Variants in FSTL4 observed in about 807,000 individuals in gnomAD.
FSTL4 encodes follistatin like 4, also known as follistatin-related protein 4.
Under a neutral mutation model 78.2 loss-of-function variants are expected in FSTL4, and 28 were observed. The observed-to-expected ratio is 0.36, with a 90% CI of 0.27 to 0.49. The LOEUF is 0.49. Among genes scored for constraint, FSTL4 ranks in the 20% least tolerant of loss-of-function variants. The pLI is 0.98. For missense variants in FSTL4, 922 were observed against 1,084.9 expected (o/e 0.85, Z 2.11); for synonymous variants, 422 against 440.5 (o/e 0.96, Z 0.53).
At chr5:133,478,673 G>A (rs1287792639) in intron 3 of FSTL4, among the ~76,000 whole-genome samples, 1 of 152,084 alleles carries the variant, frequency 6.6e-6, no homozygotes, top group African/African-American at 2.4e-5. Context: ...CATCAGATCA[G>A]GACAAGATTT....
At chr5:133,372,856 G>C (rs1162390062) in intron 4 of FSTL4, among the ~76,000 whole-genome samples, 1 of 152,204 alleles carries the variant, frequency 6.6e-6, no homozygotes, top group Non-Finnish European at 1.5e-5. Context: ...TGTGCCCAGA[G>C]GGAGGGTGAC....
chr5:133,532,836 TGAGTCTCCCCTTTGGTCAAGGGCCCTG>T (rs1759284244), intron 3 of FSTL4, among the ~76,000 whole-genome samples: 1 of 152,154 alleles, frequency 6.6e-6, no homozygotes, highest in Non-Finnish European at 1.5e-5. Flanking sequence ...GTACCAATCC[TGAGTCTCCCCTTTGGTCAAGGGCCCTG>T]GAGTCTCCCC....
At chr5:133,645,098 T>G in the FSTL4 span, among the ~76,000 whole-genome samples, 1 of 152,148 alleles carries the variant, frequency 6.6e-6, no homozygotes, top group South Asian at 2.1e-4. Flanking sequence ...TATAGAGTAT[T>G]GTAGCTCTCT....
At chr5:133,816,316 GT>G in the FSTL4 span, among the ~76,000 whole-genome samples, 1 of 152,212 alleles carries the variant, frequency 6.6e-6, no homozygotes, top group African/African-American at 2.4e-5. Context: ...AAAAGGCAGG[GT>G]CTGACAGTGT....
the FSTL4 span, among the ~76,000 whole-genome samples, chr5:133,832,845 T>C: frequency 6.6e-6 from 1 of 152,258 alleles, no homozygotes; most frequent in Non-Finnish European, 1.5e-5. Flanking sequence ...TCTGCCGTTG[T>C]GGCACCACCA....
At chr5:133,817,254 G>A in the FSTL4 span, among the ~76,000 whole-genome samples, 2 of 152,236 alleles carry the variant, frequency 1.3e-5, no homozygotes, top group Non-Finnish European at 2.9e-5. Context: ...CTGCAAGTAA[G>A]GAGTGGAGCC....
chr5:133,807,657 C>T, the FSTL4 span, among the ~76,000 whole-genome samples: 2 of 152,164 alleles, frequency 1.3e-5, no homozygotes, highest in Non-Finnish European at 2.9e-5. Context: ...GAGGCAACGC[C>T]CTGGAAACCA....
chr5:133,626,910 G>A, the FSTL4 span, among the ~76,000 whole-genome samples: 3 of 151,950 alleles, frequency 2.0e-5, no homozygotes, highest in Non-Finnish European at 4.4e-5. Flanking sequence ...GTTTGTTGAT[G>A]GTGTTCTTGA....
chr5:133,489,937 C>T (rs1758222778), intron 3 of FSTL4, among the ~76,000 whole-genome samples: 1 of 152,222 alleles, frequency 6.6e-6, no homozygotes, highest in African/African-American at 2.4e-5. Context: ...GTGACATCAT[C>T]TCCTACAACT....
chr5:133,654,106 A>T, the FSTL4 span, among the ~76,000 whole-genome samples: 1 of 152,206 alleles, frequency 6.6e-6, no homozygotes, highest in Non-Finnish European at 1.5e-5. Context: ...GCTTATTTGA[A>T]GCAATTCCTA....
chr5:133,673,214 C>T, the FSTL4 span, among the ~76,000 whole-genome samples: 1 of 152,206 alleles, frequency 6.6e-6, no homozygotes, highest in East Asian at 1.9e-4. Flanking sequence ...CTTGAGTTTT[C>T]CTTAATGATT....
intron 2 of FSTL4, among the ~76,000 whole-genome samples, chr5:133,599,124 A>G (rs1003061412): frequency 5.9e-5 from 9 of 152,174 alleles, no homozygotes; most frequent in Non-Finnish European, 1.0e-4. Flanking sequence ...GAGGGACACT[A>G]GCGTTAAGAC....
Position 133,361,519 on chromosome 5 carries a change from A to G in FSTL4, c.409+39219T>C, listed in dbSNP as rs17166640. 7.9e-3 allele frequency among the ~76,000 whole-genome samples: 1,209 copies of G among 152,284 alleles called. 7 individuals are homozygous for G. Among genetic ancestry groups the G allele is most frequent in the Middle Eastern group, 0.031 (9 of 294 alleles). On this transcript the variant is annotated intron_variant, in intron 4 of 15. Transcript: ENST00000265342. The surrounding 1 kb of genome is among the most constrained non-coding windows in gnomAD (Gnocchi z 4.3). ...GCTCCCTGGAGCATCAGACCAGCACATCTTGGCCAAAACGCATAGGTATCT... is the reference window on the plus strand; with the variant it reads ...GCTCCCTGGAGCATCAGACCAGCACGTCTTGGCCAAAACGCATAGGTATCT...
intron 3 of FSTL4, among the ~76,000 whole-genome samples, chr5:133,462,791 C>G (rs909210871): frequency 3.3e-5 from 5 of 152,168 alleles, no homozygotes; most frequent in African/African-American, 4.8e-5. Context: ...TGGTTCTGAG[C>G]CTGGGGCCTG....
At chr5:133,810,671 C>A in the FSTL4 span, among the ~76,000 whole-genome samples, 1 of 152,178 alleles carries the variant, frequency 6.6e-6, no homozygotes, top group Admixed American at 6.5e-5. Context: ...GTCTGATTTA[C>A]ATAGGGCCCA....
chr5:133,689,763 A>G, the FSTL4 span, among the ~76,000 whole-genome samples: 605 of 152,296 alleles, frequency 4.0e-3, 10 homozygotes, highest in African/African-American at 0.014. Context: ...AAGTGCCCCA[A>G]TAAAACTTCT....
At chr5:133,515,821 C>T (rs1758841138) in intron 3 of FSTL4, among the ~76,000 whole-genome samples, 1 of 151,822 alleles carries the variant, frequency 6.6e-6, no homozygotes, top group South Asian at 2.1e-4. Context: ...GACAAAAAAG[C>T]AAGGTTGGTA....
chr5:133,406,734 A>G (rs1423371119), intron 3 of FSTL4, among the ~76,000 whole-genome samples: 2 of 152,246 alleles, frequency 1.3e-5, no homozygotes, highest in Non-Finnish European at 2.9e-5. Flanking sequence ...CCCACCAGGC[A>G]CCATGCTAAA....
At chr5:133,581,987 T>C (rs1400818385) in intron 2 of FSTL4, among the ~76,000 whole-genome samples, 1 of 152,178 alleles carries the variant, frequency 6.6e-6, no homozygotes, top group Non-Finnish European at 1.5e-5. Context: ...TACTCCCACA[T>C]ATGGGGAAGG....
Sources: gnomAD v4.1 joint callset for allele counts (sites outside exome capture counted in the v4.1 genomes callset) on GRCh38, gnomAD v4.1.1 for gene constraint, Gnocchi (gnomAD v3.1) non-coding constraint, MANE v1.5 for transcripts, NCBI Gene and HGNC (gene_info 2026-07-23, HGNC 2026-07-21) for gene names.